Variants in KCNK10 observed in about 807,000 individuals in gnomAD.
KCNK10 encodes potassium channel subfamily K member 10.
KCNK10 carries 25 observed loss-of-function variants against 47.7 expected under a neutral mutation model. That is an observed-to-expected ratio of 0.52 (90% CI 0.38 to 0.73). The LOEUF (loss-of-function observed/expected upper bound fraction) is 0.73. KCNK10 is among the 30% of genes least tolerant of loss of function. KCNK10 has a pLI of 0.00. For synonymous variants in KCNK10, 303 were observed against 285.6 expected (o/e 1.06, Z -0.61); for missense variants, 563 against 714.5 (o/e 0.79, Z 2.42).
chr14:88,267,317 G>A (rs1395438104), intron 1 of KCNK10, among the ~76,000 whole-genome samples: 1 of 152,058 alleles, frequency 6.6e-6, no homozygotes, highest in Non-Finnish European at 1.5e-5. Flanking sequence ...ACATCTCAAT[G>A]GCTAGAAAAG....
rs148905564 is a variant in KCNK10 at position 88,298,612 on chromosome 14, G to C, written c.52+24135C>G. ...AACCTTTCTTTTTCACTCCTCCAGT[G>C]CCCCCCTAGCCCAGACCTTTGCTAT... On this transcript the variant is annotated intron_variant, in intron 1 of 6. Transcript: ENST00000319231. Among the ~76,000 whole-genome samples the C allele has an allele frequency of 1.1e-4, 17 of 152,176 alleles. No homozygotes were observed. In the East Asian group the frequency reaches 3.3e-3, roughly 29 times the overall value.
chr14:88,263,400 C>G lies in KCNK10; in HGVS notation c.204G>C (p.Leu68Phe). The change falls in exon 2 of 7, where the codon TTG (leucine) becomes TTC (phenylalanine). Residue 68 changes from leucine to phenylalanine, a missense_variant. Coordinates refer to ENST00000319231, the MANE Select transcript of KCNK10 (RefSeq NM_138317.3). Reference sequence around the variant, plus strand: ...CCGTCTTCCACTTCATGACGGTCTGCAAGCCCCCTTGGGAGGTGCCTTCCA... The same window carrying G: ...CCGTCTTCCACTTCATGACGGTCTGGAAGCCCCCTTGGGAGGTGCCTTCCA... Reference protein sequence around the residue: ...ARMEGTSQGGLQTVMKWKTVV... With the variant: ...ARMEGTSQGGFQTVMKWKTVV... 6.2e-7 allele frequency: 1 copy of G among 1,614,134 alleles called. No homozygotes were observed. The highest frequency in any genetic ancestry group is 8.5e-7 in the Non-Finnish European group (1 of 1,180,048).
chr14:88,238,301 T>A (rs533010339), intron 3 of KCNK10, among the ~76,000 whole-genome samples: 3 of 152,312 alleles, frequency 2.0e-5, no homozygotes, highest in Non-Finnish European at 4.4e-5. Context: ...ATTTTCTCCA[T>A]ATCAGCAATA....
chr14:88,255,980 C>G (rs1886944088), intron 2 of KCNK10, among the ~76,000 whole-genome samples: 1 of 152,170 alleles, frequency 6.6e-6, no homozygotes, highest in Non-Finnish European at 1.5e-5. Context: ...TAAGTGGTAG[C>G]TATATTTTAT....
chr14:88,205,249 T>G (rs1885231734), intron 4 of KCNK10, among the ~76,000 whole-genome samples: 2 of 152,368 alleles, frequency 1.3e-5, no homozygotes, highest in South Asian at 4.1e-4. Context: ...CTGTGCCCTT[T>G]TAAGGGCTGT....
chr14:88,226,343 T>C (rs1051390309), intron 4 of KCNK10, among the ~76,000 whole-genome samples: 2 of 152,160 alleles, frequency 1.3e-5, no homozygotes, highest in Non-Finnish European at 2.9e-5. Flanking sequence ...TAAAGAGAAG[T>C]ATGAGCCATT....
intron 4 of KCNK10, among the ~76,000 whole-genome samples, chr14:88,224,948 A>G (rs1342324729): frequency 2.6e-5 from 4 of 152,134 alleles, no homozygotes; most frequent in Non-Finnish European, 4.4e-5. Context: ...TCCACCGTAA[A>G]TCCTCTCTTC....
At chr14:88,235,103 G>A in intron 3 of KCNK10, 1 of 456,596 alleles carries the variant, frequency 2.2e-6, no homozygotes, top group South Asian at 1.5e-5. Context: ...CAGAAAACAG[G>A]GAGGTAGGAC....
chr14:88,207,138 C>A (rs2139845908), intron 4 of KCNK10, among the ~76,000 whole-genome samples: 1 of 148,270 alleles, frequency 6.7e-6, no homozygotes, highest in East Asian at 2.0e-4. Context: ...TATTTGCATA[C>A]AATACTAGTT....
At position 88,182,471 on chromosome 14, in the gene KCNK10, C is replaced by T. The variant is rs1055901151; in HGVS notation, c.*3064G>A. 2 of 152,358 alleles carry T rather than the reference C, an allele frequency of 1.3e-5. No homozygotes were observed. Among genetic ancestry groups the T allele is most frequent in the African/African-American group, 4.8e-5 (2 of 41,460 alleles). The allele number at this position is 152,358 out of a possible 1,614,324, so 9.4% of individuals were successfully genotyped here. A position where few individuals can be genotyped will look rare whatever the true frequency, so the allele number is the denominator to read the frequency against. On this transcript the variant is annotated 3_prime_UTR_variant, in exon 7 of 7. Transcript: ENST00000319231. ...CAAGTAACTTCAAACCAACTGGCCT[C>T]CTCCAAAATTAGTTTATATGAAGAG...
chr14:88,324,811 C>G (rs1399518827), upstream of KCNK10, among the ~76,000 whole-genome samples: 1 of 152,198 alleles, frequency 6.6e-6, no homozygotes, highest in East Asian at 1.9e-4. Context: ...TTCTCACCAT[C>G]CATCCGTCAC....
chr14:88,216,215 G>A (rs927638451), intron 4 of KCNK10, among the ~76,000 whole-genome samples: 20 of 152,246 alleles, frequency 1.3e-4, no homozygotes, highest in East Asian at 5.8e-4. Flanking sequence ...GTTCTGAGTC[G>A]GAATGGCGCT....
At chr14:88,244,015 G>T (rs913230603) in intron 2 of KCNK10, among the ~76,000 whole-genome samples, 5 of 152,152 alleles carry the variant, frequency 3.3e-5, no homozygotes, top group African/African-American at 1.2e-4. Context: ...GGCCACTGAT[G>T]ATCTGAACTA....
chr14:88,239,574 C>T (rs540532609), intron 3 of KCNK10, among the ~76,000 whole-genome samples: 5 of 152,242 alleles, frequency 3.3e-5, no homozygotes, highest in African/African-American at 9.6e-5. Flanking sequence ...AAGTTAACCC[C>T]TAGGCCAGGT....
At chr14:88,293,942 T>C (rs1887932972) in intron 1 of KCNK10, among the ~76,000 whole-genome samples, 2 of 152,138 alleles carry the variant, frequency 1.3e-5, no homozygotes, top group Non-Finnish European at 2.9e-5. Flanking sequence ...GCCTCCCAAG[T>C]AGCTGAAGTT....
upstream of KCNK10, among the ~76,000 whole-genome samples, chr14:88,324,635 G>T (rs1888625285): frequency 6.6e-6 from 1 of 152,246 alleles, no homozygotes; most frequent in South Asian, 2.1e-4. Flanking sequence ...GTGCCATAAG[G>T]TCCTGTTAGA....
Position 88,323,014 on chromosome 14 carries a change from G to A in KCNK10, c.-216C>T. ...GCTTGGGTGTTTGCACCGGCCAGGG[G>A]GTGGCCGGCCGCGGCCCCGTGGGTA... On this transcript the variant is annotated 5_prime_UTR_variant, in exon 1 of 7. Transcript: ENST00000319231. 1 of 1,373,344 alleles carries A rather than the reference G, an allele frequency of 7.3e-7. No homozygotes were observed. Among genetic ancestry groups the A allele is most frequent in the South Asian group, 1.7e-5 (1 of 59,860 alleles). The allele number at this position is 1,373,344 out of a possible 1,614,324, so 85.1% of individuals were successfully genotyped here. A position where few individuals can be genotyped will look rare whatever the true frequency, so the allele number is the denominator to read the frequency against.
At chr14:88,279,008 C>T (rs1887587666) in intron 1 of KCNK10, among the ~76,000 whole-genome samples, 1 of 152,158 alleles carries the variant, frequency 6.6e-6, no homozygotes. Context: ...GTTCCAAAAG[C>T]ATGCCCAAAA....
intron 1 of KCNK10, among the ~76,000 whole-genome samples, chr14:88,301,344 C>G (rs1888093217): frequency 6.6e-6 from 1 of 152,276 alleles, no homozygotes; most frequent in Admixed American, 6.5e-5. Context: ...AGTTCCCCTT[C>G]TTAAAACTCT....
Sources: gnomAD v4.1 joint callset for allele counts (sites outside exome capture counted in the v4.1 genomes callset) on GRCh38, gnomAD v4.1.1 for gene constraint, MANE v1.5 for transcripts, NCBI Gene and HGNC (gene_info 2026-07-23, HGNC 2026-07-21) for gene names.